MGAT4C: variants seen among roughly 807,000 people sequenced by gnomAD.
MGAT4C encodes MGAT4 family member C.
In MGAT4C, 19 loss-of-function variants were observed where a neutral mutation model predicts 40.1. The ratio of observed to expected loss-of-function variants is 0.47; its 90% confidence interval spans 0.33 to 0.70. MGAT4C has a LOEUF of 0.70. Ranked by LOEUF, MGAT4C falls within the 30% of genes least tolerant of loss-of-function variation. The pLI is 0.02. For missense variants in MGAT4C, 491 were observed against 563.2 expected, an observed-to-expected ratio of 0.87 and a Z score of 1.30; for synonymous variants, 181 against 187.1, an observed-to-expected ratio of 0.97 and a Z score of 0.27.
chr12:86,710,973 G>A (rs748134269), intron 2 of MGAT4C, among the ~76,000 whole-genome samples: 8 of 152,042 alleles, frequency 5.3e-5, no homozygotes, highest in Non-Finnish European at 1.2e-4. Context: ...TTACAAATGG[G>A]AGCAAAGTTA....
At chr12:86,278,171 T>C (rs1475919532) in intron 4 of MGAT4C, among the ~76,000 whole-genome samples, 1 of 139,036 alleles carries the variant, frequency 7.2e-6, no homozygotes, top group African/African-American at 2.6e-5. Context: ...ATTAGTTTGT[T>C]GACTTCCTTT....
chr12:86,381,315 T>C (rs2136220088), intron 3 of MGAT4C, among the ~76,000 whole-genome samples: 1 of 152,276 alleles, frequency 6.6e-6, no homozygotes. Flanking sequence ...AAGACATATC[T>C]TCATTTATTG....
At chr12:86,386,609 T>C (rs999154429) in intron 3 of MGAT4C, among the ~76,000 whole-genome samples, 1 of 152,200 alleles carries the variant, frequency 6.6e-6, no homozygotes, top group Admixed American at 6.5e-5. Context: ...TTCAATTACA[T>C]TATTTCTGCC....
chr12:86,804,516 C>T (rs535011483), intron 1 of MGAT4C, among the ~76,000 whole-genome samples: 9 of 151,732 alleles, frequency 5.9e-5, no homozygotes, highest in Non-Finnish European at 1.0e-4. Context: ...TTATATTTGG[C>T]TATTTCTCAT....
chr12:86,419,519 T>C (rs759074885), intron 3 of MGAT4C, among the ~76,000 whole-genome samples: 10 of 151,968 alleles, frequency 6.6e-5, no homozygotes, highest in African/African-American at 1.9e-4. Flanking sequence ...TCCAGCTTCC[T>C]AGATCAAGGA....
At chr12:86,730,004 T>C (rs1408840433) in intron 1 of MGAT4C, among the ~76,000 whole-genome samples, 1 of 152,070 alleles carries the variant, frequency 6.6e-6, no homozygotes, top group Non-Finnish European at 1.5e-5. Flanking sequence ...TCTTAGGTGA[T>C]GGAAAAATAA....
intron 4 of MGAT4C, among the ~76,000 whole-genome samples, chr12:86,283,260 C>A (rs1953264491): frequency 6.6e-6 from 1 of 151,980 alleles, no homozygotes; most frequent in Non-Finnish European, 1.5e-5. Context: ...GTACTTCTCA[C>A]ATCCCTATTC....
chr12:86,312,331 C>T (rs1954100055), intron 4 of MGAT4C, among the ~76,000 whole-genome samples: 1 of 152,164 alleles, frequency 6.6e-6, no homozygotes. Flanking sequence ...CACTCTACCC[C>T]AAATCTGGAA....
At chr12:86,329,964 G>T (rs1057330959) in intron 4 of MGAT4C, among the ~76,000 whole-genome samples, 5 of 152,126 alleles carry the variant, frequency 3.3e-5, no homozygotes, top group African/African-American at 1.2e-4. Context: ...TATTTCAAAA[G>T]ATATCCACAG....
chr12:86,049,327 T>C (rs1892687996), intron 2 of MGAT4C, among the ~76,000 whole-genome samples: 2 of 152,050 alleles, frequency 1.3e-5, no homozygotes, highest in Admixed American at 6.6e-5. Context: ...TGTGTGTACC[T>C]GCACAAGTGT....
intron 2 of MGAT4C, among the ~76,000 whole-genome samples, chr12:86,666,706 G>A (rs532618356): frequency 6.7e-4 from 102 of 152,208 alleles, no homozygotes; most frequent in African/African-American, 2.2e-3. Flanking sequence ...ATACCTTTGA[G>A]AAAAAGATTT....
At chr12:86,185,227 T>C (rs1018796896) in intron 1 of MGAT4C, among the ~76,000 whole-genome samples, 1 of 152,222 alleles carries the variant, frequency 6.6e-6, no homozygotes, top group Non-Finnish European at 1.5e-5. Context: ...TACTTGCTTG[T>C]CTTTACTCTG....
intron 4 of MGAT4C, among the ~76,000 whole-genome samples, chr12:86,299,204 C>T (rs1362368941): frequency 2.0e-5 from 3 of 152,186 alleles, no homozygotes; most frequent in Non-Finnish European, 4.4e-5. Flanking sequence ...CAAGCTCTGC[C>T]TCCTGGGGTT....
At chr12:86,745,100 G>A (rs984258342) in intron 1 of MGAT4C, 2 of 151,382 alleles carry the variant, frequency 1.3e-5, no homozygotes, top group Non-Finnish European at 3.0e-5. Context: ...TTCCCTAGAG[G>A]GTAGTTAGAG....
intron 2 of MGAT4C, among the ~76,000 whole-genome samples, chr12:86,034,439 C>T (rs1891034033): frequency 6.7e-6 from 1 of 149,180 alleles, no homozygotes; most frequent in South Asian, 2.1e-4. Context: ...AGTCATTGGT[C>T]TCCAGGGATT....
intron 2 of MGAT4C, among the ~76,000 whole-genome samples, chr12:85,992,878 T>C (rs550890204): frequency 4.8e-4 from 73 of 152,268 alleles, no homozygotes; most frequent in Non-Finnish European, 6.3e-4. Context: ...TAGATGGCCA[T>C]CTCAGGAGAG....
intron 3 of MGAT4C, among the ~76,000 whole-genome samples, chr12:86,377,416 GA>G (rs1955850734): frequency 1.3e-5 from 2 of 152,098 alleles, no homozygotes; most frequent in African/African-American, 4.8e-5. Flanking sequence ...ATTTTAAAAT[GA>G]AATGGTAATC....
intron 2 of MGAT4C, among the ~76,000 whole-genome samples, chr12:86,701,337 T>A (rs1002571900): frequency 1.1e-4 from 17 of 152,172 alleles, no homozygotes; most frequent in African/African-American, 4.1e-4. Context: ...TCTGTCACAT[T>A]TTGGTAATTC....
chr12:86,095,101 A>G lies in MGAT4C; in HGVS notation c.-56-45378T>C, dbSNP rs111424226. Among the ~76,000 whole-genome samples the G allele has an allele frequency of 4.9e-3, 748 of 152,228 alleles. 8 individuals carry two copies. The highest frequency in any genetic ancestry group is 0.017 in the African/African-American group (715 of 41,554). On this transcript the variant is annotated intron_variant, in intron 1 of 4. Coordinates refer to ENST00000611864, the MANE Select transcript of MGAT4C (RefSeq NM_001351288.2). ...AACAATACATTTTCTAGATTTACAT[A>G]CTGATATAAATGATGTATGTTTAAG...
Sources: gnomAD v4.1 joint callset for allele counts (sites outside exome capture counted in the v4.1 genomes callset) on GRCh38, gnomAD v4.1.1 for gene constraint, MANE v1.5 for transcripts, NCBI Gene and HGNC (gene_info 2026-07-23, HGNC 2026-07-21) for gene names.